Variants in PCOLCE2 observed in about 807,000 individuals in gnomAD.
PCOLCE2 encodes procollagen C-proteinase enhancer 2.
Under a neutral mutation model 47.0 loss-of-function variants are expected in PCOLCE2, and 42 were observed. That is an observed-to-expected ratio of 0.89 (90% CI 0.70 to 1.16). The LOEUF (loss-of-function observed/expected upper bound fraction) is 1.16, where lower values mean the gene tolerates loss of function less well. Ranked by LOEUF, PCOLCE2 falls within the 50% of genes most tolerant of loss-of-function variation. The pLI is 0.00. For missense variants in PCOLCE2, 500 were observed against 526.1 expected (o/e 0.95, Z 0.49); for synonymous variants, 169 against 191.7 (o/e 0.88, Z 0.98).
intron 2 of PCOLCE2, among the ~76,000 whole-genome samples, chr3:142,863,617 A>G (rs1192221218): frequency 6.6e-6 from 1 of 152,172 alleles, no homozygotes; most frequent in Non-Finnish European, 1.5e-5. Context: ...AGAGAGGAAG[A>G]GGGTGTGGGA....
At chr3:142,828,886 G>C (rs1405714629) in intron 6 of PCOLCE2, among the ~76,000 whole-genome samples, 1 of 152,232 alleles carries the variant, frequency 6.6e-6, no homozygotes, top group Non-Finnish European at 1.5e-5. Flanking sequence ...ACACAGTGGC[G>C]CACTTGCAGA....
intron 2 of PCOLCE2, among the ~76,000 whole-genome samples, chr3:142,874,841 A>G (rs1560141115): frequency 1.3e-5 from 2 of 152,214 alleles, no homozygotes; most frequent in East Asian, 1.9e-4. Context: ...GTGCTATAAT[A>G]AAGATGTCCC....
At chr3:142,871,457 A>C (rs762496141) in intron 2 of PCOLCE2, among the ~76,000 whole-genome samples, 1 of 152,194 alleles carries the variant, frequency 6.6e-6, no homozygotes, top group Admixed American at 6.5e-5. Flanking sequence ...TTTATGGGTC[A>C]ACTTGGCTAG....
rs1937188523 is a variant in PCOLCE2 at position 142,835,125 on chromosome 3, C to T, written c.710+3645G>A. ...TTTCAAATCTTCTACCTCCTAATTT[C>T]CCATCTTTCTCTCATTAACAGTTAG... On this transcript the variant is annotated intron_variant, in intron 5 of 8. Transcript: ENST00000295992. Among the ~76,000 whole-genome samples, 3 of 151,990 alleles carry T rather than the reference C, an allele frequency of 2.0e-5. No homozygotes were observed. The South Asian group carries it at 6.2e-4, about 32-fold the overall frequency.
chr3:142,843,384 G>A (rs879745166), intron 3 of PCOLCE2: 1 of 445,040 alleles, frequency 2.2e-6, no homozygotes, highest in South Asian at 1.6e-5. Context: ...TCATAGAGAT[G>A]TTAAGGCTCC....
At position 142,820,954 on chromosome 3, in the gene PCOLCE2, C is replaced by CA; in HGVS notation, c.1040dup (p.Leu347PhefsTer38). ...TGTTCTTGCCCGCCTGCTGAATCGCCAAATTTCCCTCTTTGTAGATGTTGA... is the reference window on the plus strand; with the variant it reads ...TGTTCTTGCCCGCCTGCTGAATCGCCAAAATTTCCCTCTTTGTAGATGTTGA... On this transcript the variant is annotated frameshift_variant, in exon 8 of 9. Transcript: ENST00000295992. LOFTEE classifies it high-confidence loss of function. The CA allele has an allele frequency of 1.2e-6, 2 of 1,614,056 alleles. No individual in the cohort carries two copies. The highest frequency in any genetic ancestry group is 1.7e-6 in the Non-Finnish European group (2 of 1,179,970).
chr3:142,819,255 G>C (rs1025573319), intron 8 of PCOLCE2, among the ~76,000 whole-genome samples: 2 of 152,074 alleles, frequency 1.3e-5, no homozygotes, highest in East Asian at 1.9e-4. Flanking sequence ...TGAGGTGTTG[G>C]GTAACTCTGA....
rs1448788187 is a variant in PCOLCE2 at position 142,842,967 on chromosome 3, G to T, written c.530C>A (p.Ala177Glu). ...TPNWPDRDYP[A>E]GVTCVWHIVA... Reference sequence around the variant, plus strand: ...AATGTGCCACACACAAGTGACTCCTGCAGGGTAATCCCGGTCTGGCCAGTT... The same window carrying T: ...AATGTGCCACACACAAGTGACTCCTTCAGGGTAATCCCGGTCTGGCCAGTT... The change falls in exon 4 of 9, where the codon GCA (alanine) becomes GAA (glutamate). Residue 177 changes from alanine to glutamate, a missense_variant. Coordinates refer to ENST00000295992, the MANE Select transcript of PCOLCE2 (RefSeq NM_013363.4). This position sits in a 1 kb window ranked among gnomAD's most constrained non-coding sequence, Gnocchi z 4.1. 1.2e-6 allele frequency: 2 copies of T among 1,614,020 alleles called. No individual in the cohort carries two copies. The highest frequency in any genetic ancestry group is 1.7e-5 in the Admixed American group (1 of 60,022).
At chr3:142,873,566 T>A (rs1220597966) in intron 2 of PCOLCE2, among the ~76,000 whole-genome samples, 1 of 152,190 alleles carries the variant, frequency 6.6e-6, no homozygotes, top group Admixed American at 6.5e-5. Flanking sequence ...AGCATTATAC[T>A]CTTTCATCTA....
chr3:142,849,069 C>T lies in PCOLCE2; in HGVS notation c.193-597G>A, dbSNP rs565658067. Among the ~76,000 whole-genome samples, 22 of 151,912 alleles carry T rather than the reference C, an allele frequency of 1.4e-4. No homozygotes were observed. In the South Asian group the frequency reaches 3.1e-3, roughly 22 times the overall value. On this transcript the variant is annotated intron_variant, in intron 2 of 8. Transcript: ENST00000295992. ...TCGGGAGGCTGAGGCAGGAGAATGG[C>T]GTGAACCCGGGAGGCGGAGCTTGCA...
chr3:142,848,719 C>G (rs1162225372), intron 2 of PCOLCE2, among the ~76,000 whole-genome samples: 1 of 152,132 alleles, frequency 6.6e-6, no homozygotes, highest in East Asian at 1.9e-4. Flanking sequence ...GAACTTACCT[C>G]AACAAAGCTG....
intron 4 of PCOLCE2, among the ~76,000 whole-genome samples, chr3:142,841,148 AG>A (rs1937261296): frequency 6.6e-6 from 1 of 152,168 alleles, no homozygotes; most frequent in Non-Finnish European, 1.5e-5. Flanking sequence ...AAGAAGATAA[AG>A]GAAAAGAACT....
At chr3:142,876,715 C>T (rs1415377600) in intron 2 of PCOLCE2, among the ~76,000 whole-genome samples, 1 of 152,158 alleles carries the variant, frequency 6.6e-6, no homozygotes, top group Admixed American at 6.6e-5. Flanking sequence ...TTCTGGGCCT[C>T]TCTCTCTCCA....
chr3:142,818,236 C>G lies in PCOLCE2; in HGVS notation c.*99G>C. 11 of 1,177,892 alleles carry G rather than the reference C, an allele frequency of 9.3e-6. No individual in the cohort carries two copies. The highest frequency in any genetic ancestry group is 1.4e-5 in the Non-Finnish European group (11 of 813,106). 73.0% of individuals were successfully genotyped at this position (1,177,892 alleles called of 1,614,324 possible). On this transcript the variant is annotated 3_prime_UTR_variant, in exon 9 of 9. Transcript: ENST00000295992. Reference sequence around the variant, plus strand: ...AGTCCCATCTTTCGGAATCCTCTTTCAGAATATGTAATTTTATAAGTATTT... The same window carrying G: ...AGTCCCATCTTTCGGAATCCTCTTTGAGAATATGTAATTTTATAAGTATTT...
rs1010084049 is a variant in PCOLCE2, at chr3:142,829,701, C to T, written c.856G>A (p.Val286Ile). The T allele has an allele frequency of 5.1e-6, 8 of 1,579,890 alleles. No individual in the cohort carries two copies. Among genetic ancestry groups the T allele is most frequent in the Non-Finnish European group, 6.9e-6 (8 of 1,163,970 alleles). ...AAACAGGAAAACTTACCCGTGGTTA[C>T]AGGGAATGTGGTGGTGACAGGCTGT... Reference protein sequence around the residue: ...TEQPVTTTFPVTTGLKPTVAL... With the variant: ...TEQPVTTTFPITTGLKPTVAL... Residue 286 changes from valine to isoleucine, a missense_variant, in exon 6 of 9, where the codon GTA (valine) becomes ATA (isoleucine). Physicochemically the swap from Val to Ile is conservative, Grantham distance 29. Coordinates refer to ENST00000295992, the MANE Select transcript of PCOLCE2 (RefSeq NM_013363.4).
chr3:142,825,247 G>A (rs532383217), intron 6 of PCOLCE2, among the ~76,000 whole-genome samples: 77 of 152,212 alleles, frequency 5.1e-4, no homozygotes, highest in South Asian at 3.5e-3. Context: ...CTCAGCCTCC[G>A]AAGGTCAGTC....
chr3:142,833,959 T>C (rs1425465943), intron 5 of PCOLCE2, among the ~76,000 whole-genome samples: 1 of 152,202 alleles, frequency 6.6e-6, no homozygotes, highest in East Asian at 1.9e-4. Context: ...TTCTAATCCA[T>C]CTGTCATTGA....
chr3:142,853,507 C>T (rs1932995909), intron 2 of PCOLCE2, among the ~76,000 whole-genome samples: 1 of 152,168 alleles, frequency 6.6e-6, no homozygotes, highest in African/African-American at 2.4e-5. Context: ...CAAGTTAAAG[C>T]TTAACATCAA....
chr3:142,831,887 G>A (rs1201312444), intron 5 of PCOLCE2, among the ~76,000 whole-genome samples: 2 of 152,156 alleles, frequency 1.3e-5, no homozygotes, highest in African/African-American at 4.8e-5. Flanking sequence ...ACATATTTTT[G>A]TTCTGCTGCA....
Sources: allele counts gnomAD v4.1 joint callset (sites outside exome capture counted in the v4.1 genomes callset), GRCh38; gene constraint gnomAD v4.1.1; non-coding constraint Gnocchi (gnomAD v3.1); transcripts MANE v1.5; gene names NCBI Gene and HGNC (gene_info 2026-07-23, HGNC 2026-07-21).